The following HDAC9 variants were observed in gnomAD, a reference collection of about 807,000 sequenced individuals.
The protein encoded by HDAC9 is histone deacetylase 9.
A neutral mutation model predicts 139.4 loss-of-function variants in HDAC9; 41 were observed. The ratio of observed to expected loss-of-function variants is 0.29; its 90% confidence interval spans 0.23 to 0.38. The LOEUF is 0.38. Ranked by LOEUF, HDAC9 falls within the 10% of genes least tolerant of loss-of-function variation. HDAC9 has a pLI of 1.00. For missense variants in HDAC9, 1,147 were observed against 1,297.0 expected, an observed-to-expected ratio of 0.88 and a Z score of 1.78; for synonymous variants, 517 against 476.2, an observed-to-expected ratio of 1.09 and a Z score of -1.12.
chr7:18,138,528 GTGTGTGTGTGT>G (rs1302986729), intron 1 of HDAC9, among the ~76,000 whole-genome samples: 1 of 11,316 alleles, frequency 8.8e-5, no homozygotes. Flanking sequence ...AGAGAGAGAG[GTGTGTGTGTGT>G]GTGTGTGTGT....
At chr7:18,319,625 A>T (rs1799892178) in intron 1 of HDAC9, among the ~76,000 whole-genome samples, 1 of 152,218 alleles carries the variant, frequency 6.6e-6, no homozygotes, top group Non-Finnish European at 1.5e-5. Context: ...AAAACTCACC[A>T]ATATATTGCT....
chr7:18,731,801 T>C (rs1786075360), intron 13 of HDAC9, among the ~76,000 whole-genome samples: 1 of 152,046 alleles, frequency 6.6e-6, no homozygotes, highest in African/African-American at 2.4e-5. Flanking sequence ...AATTTTTGTA[T>C]TTTTAGTAGA....
At chr7:18,213,336 G>GATT (rs1216566648) in intron 2 of HDAC9, among the ~76,000 whole-genome samples, 1 of 152,056 alleles carries the variant, frequency 6.6e-6, no homozygotes, top group Non-Finnish European at 1.5e-5. Context: ...AAGAGACCAG[G>GATT]ATTTTTCATA....
chr7:18,712,034 G>A (rs1342768351), intron 12 of HDAC9, among the ~76,000 whole-genome samples: 1 of 151,796 alleles, frequency 6.6e-6, no homozygotes, highest in Non-Finnish European at 1.5e-5. Context: ...GGGCCAGTGT[G>A]CAGGATGAAG....
chr7:18,968,733 G>C (rs1784048809), intron 24 of HDAC9, among the ~76,000 whole-genome samples: 1 of 152,058 alleles, frequency 6.6e-6, no homozygotes. Context: ...GCCGAGGCGG[G>C]CGGATCAGGA....
chr7:18,764,615 T>G (rs571395293), intron 15 of HDAC9, among the ~76,000 whole-genome samples: 2 of 152,216 alleles, frequency 1.3e-5, no homozygotes, highest in South Asian at 2.1e-4. Flanking sequence ...TCTGGCTTTT[T>G]TTATTGTTGT....
intron 2 of HDAC9, among the ~76,000 whole-genome samples, chr7:18,544,358 C>G (rs1814035720): frequency 6.6e-6 from 1 of 152,144 alleles, no homozygotes; most frequent in South Asian, 2.1e-4. Context: ...TTGGTGAATG[C>G]TGAGTGAAGG....
chr7:18,732,746 T>C (rs561434207), intron 13 of HDAC9, among the ~76,000 whole-genome samples: 1 of 97,578 alleles, frequency 1.0e-5, no homozygotes, highest in Non-Finnish European at 1.9e-5. Context: ...TGTGTGCGTA[T>C]GTGTACACAC....
chr7:18,770,885 G>A (rs1263272702), intron 16 of HDAC9, among the ~76,000 whole-genome samples: 2 of 152,192 alleles, frequency 1.3e-5, no homozygotes, highest in Non-Finnish European at 2.9e-5. Flanking sequence ...AAGGGAATAT[G>A]ATGTTTGCAA....
intron 13 of HDAC9, among the ~76,000 whole-genome samples, chr7:18,745,657 C>T (rs1169136482): frequency 2.0e-5 from 3 of 150,364 alleles, no homozygotes; most frequent in Non-Finnish European, 4.4e-5. Flanking sequence ...CACCATTCTC[C>T]TGCCTCAGCC....
chr7:18,558,639 A>G (rs1277582956), intron 2 of HDAC9, among the ~76,000 whole-genome samples: 1 of 152,174 alleles, frequency 6.6e-6, no homozygotes, highest in African/African-American at 2.4e-5. Flanking sequence ...AACCAACTTT[A>G]ATTGCTTTCT....
intron 2 of HDAC9, among the ~76,000 whole-genome samples, chr7:18,581,986 C>T (rs1193719584): frequency 6.6e-6 from 1 of 152,164 alleles, no homozygotes; most frequent in Non-Finnish European, 1.5e-5. Flanking sequence ...TCTGGTCAAT[C>T]CATGGCAAAA....
chr7:18,298,285 T>A (rs79449083), intron 1 of HDAC9, among the ~76,000 whole-genome samples: 1 of 150,262 alleles, frequency 6.7e-6, no homozygotes, highest in African/African-American at 2.4e-5. Context: ...TTTATGTTTT[T>A]TTTTTTTTTT....
chr7:18,296,805 C>A (rs1328064855), intron 1 of HDAC9, among the ~76,000 whole-genome samples: 2 of 152,166 alleles, frequency 1.3e-5, no homozygotes, highest in African/African-American at 4.8e-5. Flanking sequence ...GACTGTCTGC[C>A]TCTGTGGAGA....
Position 18,435,080 on chromosome 7 carries a change from AAG to A in HDAC9, c.-41-61180_-41-61179del, listed in dbSNP as rs1491496558. On this transcript the variant is annotated intron_variant, in intron 1 of 3. Coordinates refer to the HDAC9 transcript ENST00000413509. ...CAGCCAAAAAAAAAAAAAAAAAAAA[AAG>A]AACAAGATCATGTCTTTTGCTGCGA... is the stretch of plus-strand genomic sequence containing the variant. Among the ~76,000 whole-genome samples the A allele has an allele frequency of 2.6e-5, 4 of 151,458 alleles. No homozygotes were observed. The South Asian group carries it at 6.3e-4, about 24-fold the overall frequency.
chr7:18,755,462 GC>G (rs1305600264), intron 14 of HDAC9, among the ~76,000 whole-genome samples: 1 of 152,114 alleles, frequency 6.6e-6, no homozygotes, highest in Non-Finnish European at 1.5e-5. Context: ...TTTGAAAATT[GC>G]AGTTTTTGAG....
At chr7:18,573,329 C>T (rs549502018) in intron 2 of HDAC9, among the ~76,000 whole-genome samples, 17 of 152,134 alleles carry the variant, frequency 1.1e-4, no homozygotes, top group Non-Finnish European at 1.9e-4. Flanking sequence ...ATAATGTTAT[C>T]GTAACTAGTG....
intron 2 of HDAC9, among the ~76,000 whole-genome samples, chr7:18,502,889 A>G (rs2128160671): frequency 6.6e-6 from 1 of 152,266 alleles, no homozygotes; most frequent in East Asian, 1.9e-4. Flanking sequence ...GCTTCGAGGC[A>G]CACAAAATTT....
At chr7:18,905,841 T>A (rs150865529) in intron 22 of HDAC9, among the ~76,000 whole-genome samples, 1 of 151,338 alleles carries the variant, frequency 6.6e-6, no homozygotes, top group African/African-American at 2.4e-5. Context: ...TTATTTCTAA[T>A]GCTGAATAGT....
Sources: gnomAD v4.1 joint callset for allele counts (sites outside exome capture counted in the v4.1 genomes callset) on GRCh38, gnomAD v4.1.1 for gene constraint, MANE v1.5 for transcripts, NCBI Gene and HGNC (gene_info 2026-07-23, HGNC 2026-07-21) for gene names.